FYN: variants seen among roughly 807,000 people sequenced by gnomAD.
The protein encoded by FYN is tyrosine-protein kinase Fyn.
Under a neutral mutation model 70.2 loss-of-function variants are expected in FYN, and 10 were observed. That is an observed-to-expected ratio of 0.14 (90% CI 0.09 to 0.24). The LOEUF (loss-of-function observed/expected upper bound fraction) is 0.24, where lower values mean the gene tolerates loss of function less well. FYN is among the 10% of genes least tolerant of loss of function. FYN has a pLI of 1.00. For missense variants in FYN, 319 were observed against 673.1 expected, an observed-to-expected ratio of 0.47 and a Z score of 5.82; for synonymous variants, 236 against 248.6, an observed-to-expected ratio of 0.95 and a Z score of 0.48.
chr6:111,728,879 TAC>T (rs1801315124), intron 3 of FYN, among the ~76,000 whole-genome samples: 1 of 152,114 alleles, frequency 6.6e-6, no homozygotes, highest in Non-Finnish European at 1.5e-5. Context: ...AAGAAATTTA[TAC>T]AGATAAGAGA....
chr6:111,780,885 A>C (rs1381763455), intron 2 of FYN, among the ~76,000 whole-genome samples: 1 of 152,204 alleles, frequency 6.6e-6, no homozygotes, highest in Non-Finnish European at 1.5e-5. Flanking sequence ...TATGCTTATA[A>C]ATATCTGAAT....
In FYN at chr6:111,660,371, G is replaced by C. The variant is rs1437513571; in HGVS notation, c.*1368C>G. ...GCTCTCTTTTTAATTACTAAATTAA[G>C]AAAGTTAAACAATTTAAAAATGTAA... On this transcript the variant is annotated 3_prime_UTR_variant, in exon 14 of 14. Transcript: ENST00000354650. 6.6e-6 allele frequency: 1 copy of C among 151,820 alleles called. No individual in the cohort carries two copies. The highest frequency in any genetic ancestry group is 1.5e-5 in the Non-Finnish European group (1 of 67,952). 9.4% of individuals were successfully genotyped at this position (151,820 alleles called of 1,614,324 possible).
At chr6:111,764,989 C>G (rs897287774) in intron 3 of FYN, among the ~76,000 whole-genome samples, 1 of 150,816 alleles carries the variant, frequency 6.6e-6, no homozygotes, top group African/African-American at 2.4e-5. Flanking sequence ...TCGGTGGGGC[C>G]GAAGCAGCGT....
chr6:111,666,485 T>C (rs9400490), intron 13 of FYN, among the ~76,000 whole-genome samples: 7,867 of 152,242 alleles, frequency 0.052, 241 homozygotes, highest in East Asian at 0.097. Context: ...ACCAGCCCCT[T>C]CTGCTGTCTC....
intron 2 of FYN, among the ~76,000 whole-genome samples, chr6:111,831,046 A>G (rs1164686468): frequency 6.6e-6 from 1 of 151,972 alleles, no homozygotes; most frequent in African/African-American, 2.4e-5. Flanking sequence ...CTCAATCAAG[A>G]CCTCCTGAAA....
At chr6:111,845,622 CTT>C (rs907894808) in intron 2 of FYN, among the ~76,000 whole-genome samples, 1 of 152,240 alleles carries the variant, frequency 6.6e-6, no homozygotes, top group African/African-American at 2.4e-5. Flanking sequence ...AAAAGCCTCT[CTT>C]GCACTCAAAT....
chr6:111,855,674 C>A (rs146285199), intron 1 of FYN, among the ~76,000 whole-genome samples: 3 of 152,106 alleles, frequency 2.0e-5, no homozygotes, highest in Non-Finnish European at 4.4e-5. Flanking sequence ...TCAACCTGGG[C>A]GTGCCATAAC....
At chr6:111,829,737 T>G (rs1772955883) in intron 2 of FYN, among the ~76,000 whole-genome samples, 1 of 152,200 alleles carries the variant, frequency 6.6e-6, no homozygotes, top group Non-Finnish European at 1.5e-5. Flanking sequence ...TTGGAAGAGA[T>G]AACCTCAAAG....
chr6:111,706,496 G>T (rs1380257931), intron 6 of FYN, among the ~76,000 whole-genome samples: 1 of 152,178 alleles, frequency 6.6e-6, no homozygotes, highest in African/African-American at 2.4e-5. Flanking sequence ...AGCATTAGGT[G>T]GCGTAAAGAC....
At chr6:111,699,845 T>C (rs1448498618) in intron 9 of FYN, 10 of 714,764 alleles carry the variant, frequency 1.4e-5, no homozygotes, top group Non-Finnish European at 2.0e-5. Flanking sequence ...GACCATTTGC[T>C]GGTTTATGAA....
intron 12 of FYN, among the ~76,000 whole-genome samples, chr6:111,690,868 C>T (rs765146231): frequency 6.6e-6 from 1 of 152,214 alleles, no homozygotes; most frequent in Non-Finnish European, 1.5e-5. Context: ...CAATCCCCCA[C>T]GTCTTCCTCC....
chr6:111,765,994 G>A (rs2128496888), intron 3 of FYN, among the ~76,000 whole-genome samples: 1 of 152,278 alleles, frequency 6.6e-6, no homozygotes, highest in African/African-American at 2.4e-5. Flanking sequence ...GCCAGGTTAA[G>A]GTGTTTAGGC....
At position 111,784,109 on chromosome 6, in the gene FYN, G is replaced by A. The variant is rs181033096; in HGVS notation, c.-81-3474C>T. ...GAAGCTCCCTCCTTCTGAATGTAGT[G>A]TGGAATGCGCCACCTAGAACTTCCA... is the stretch of plus-strand genomic sequence containing the variant. On this transcript the variant is annotated intron_variant, in intron 2 of 13. Coordinates refer to ENST00000354650, the MANE Select transcript of FYN (RefSeq NM_002037.5). Among the ~76,000 whole-genome samples, 25 of 152,280 alleles carry A rather than the reference G, an allele frequency of 1.6e-4. 1 individual carries two copies. The East Asian group carries it at 4.0e-3, about 25-fold the overall frequency.
At chr6:111,681,690 C>T (rs1169063390) in intron 12 of FYN, among the ~76,000 whole-genome samples, 1 of 152,172 alleles carries the variant, frequency 6.6e-6, no homozygotes, top group Non-Finnish European at 1.5e-5. Flanking sequence ...GCACCTAGCG[C>T]CAGTGCTAGA....
intron 2 of FYN, among the ~76,000 whole-genome samples, chr6:111,838,462 T>G (rs948728891): frequency 1.3e-5 from 2 of 152,330 alleles, no homozygotes; most frequent in East Asian, 3.9e-4. Context: ...CAAGTGATAA[T>G]TCACTTTAGT....
intron 1 of FYN, among the ~76,000 whole-genome samples, chr6:111,850,203 T>C (rs1773646294): frequency 1.3e-5 from 2 of 152,226 alleles, no homozygotes; most frequent in African/African-American, 4.8e-5. Context: ...ATCCAAGATT[T>C]AAATAATGGT....
intron 2 of FYN, among the ~76,000 whole-genome samples, chr6:111,784,568 AT>A (rs1167642280): frequency 6.6e-6 from 1 of 152,224 alleles, no homozygotes; most frequent in Non-Finnish European, 1.5e-5. Flanking sequence ...CACTTTCCAA[AT>A]TATTTTAACC....
At chr6:111,709,015 G>C (rs555021649) in intron 5 of FYN, 2 of 152,148 alleles carry the variant, frequency 1.3e-5, no homozygotes, top group African/African-American at 4.8e-5. Flanking sequence ...TGGATGTGGC[G>C]CTGCGGCTCT....
rs1283382005 is a variant in FYN at position 111,852,827 on chromosome 6, A to C, written c.-122-6198T>G. ...GTCCTTTTTAGCCTACTTCTATCAC[A>C]GTCTCTCTTTGCTAAAATACATTAG... On this transcript the variant is annotated intron_variant, in intron 1 of 13. Coordinates refer to ENST00000354650, the MANE Select transcript of FYN (RefSeq NM_002037.5). 7.9e-5 allele frequency among the ~76,000 whole-genome samples: 12 copies of C among 152,344 alleles called. No individual in the cohort carries two copies. The East Asian group carries it at 2.3e-3, about 29-fold the overall frequency.
Sources: gnomAD v4.1 joint callset for allele counts (sites outside exome capture counted in the v4.1 genomes callset) on GRCh38, gnomAD v4.1.1 for gene constraint, MANE v1.5 for transcripts, NCBI Gene and HGNC (gene_info 2026-07-23, HGNC 2026-07-21) for gene names.